The following CA2 variants were observed in gnomAD, a reference collection of about 807,000 sequenced individuals.
The protein encoded by CA2 is carbonate dehydratase II.
Under a neutral mutation model 27.8 loss-of-function variants are expected in CA2, and 23 were observed. The observed-to-expected ratio is 0.83, with a 90% CI of 0.59 to 1.17. The LOEUF is 1.17. CA2 is among the 50% of genes most tolerant of loss of function. The pLI, the probability that CA2 is intolerant of heterozygous loss-of-function variation, is 0.00. For missense variants in CA2, 300 were observed against 314.7 expected (o/e 0.95, Z 0.35); for synonymous variants, 99 against 114.9 (o/e 0.86, Z 0.88).
chr8:85,468,017 A>G (rs1246855617), intron 2 of CA2, among the ~76,000 whole-genome samples: 2 of 152,244 alleles, frequency 1.3e-5, no homozygotes, highest in African/African-American at 2.4e-5. Flanking sequence ...CCCGGAGCCC[A>G]TGCTGGAAAT....
rs776620660 is a variant in CA2 at position 85,464,071 on chromosome 8, C to G, written c.-11C>G. On this transcript the variant is annotated 5_prime_UTR_variant, in exon 1 of 7. Coordinates refer to ENST00000285379, the MANE Select transcript of CA2 (RefSeq NM_000067.3). ...GCCGATTCCTGCCCTGCCCCGACCG[C>G]CAGCGCGACCATGTCCCATCACTGG... 1.9e-6 allele frequency: 3 copies of G among 1,548,028 alleles called. No individual in the cohort carries two copies. The South Asian group carries it at 3.6e-5, about 18-fold the overall frequency.
chr8:85,466,144 A>C (rs1251947310), intron 2 of CA2, among the ~76,000 whole-genome samples: 7 of 144,640 alleles, frequency 4.8e-5, no homozygotes, highest in Admixed American at 4.8e-4. Flanking sequence ...AAAAAAAAAA[A>C]GAAAGAGAAA....
Position 85,479,334 on chromosome 8 carries a change from G to A in CA2, c.664-1336G>A, listed in dbSNP as rs140789438. Among the ~76,000 whole-genome samples, 32 of 152,298 alleles carry A rather than the reference G, an allele frequency of 2.1e-4. No homozygotes were observed. In the East Asian group the frequency reaches 5.4e-3, roughly 26 times the overall value. Reference sequence around the variant, plus strand: ...TTATGAACAGACTCTCTTTCAGATTGCTGGAATTCTGTTGTAACGAATCAA... The same window carrying A: ...TTATGAACAGACTCTCTTTCAGATTACTGGAATTCTGTTGTAACGAATCAA... On this transcript the variant is annotated intron_variant, in intron 6 of 6. Coordinates refer to ENST00000285379, the MANE Select transcript of CA2 (RefSeq NM_000067.3).
Position 85,474,315 on chromosome 8 carries a change from C to T in CA2, c.352-9C>T, listed in dbSNP as rs376610249. The T allele has an allele frequency of 3.2e-5, 52 of 1,608,468 alleles. No individual in the cohort carries two copies. Among genetic ancestry groups the T allele is most frequent in the South Asian group, 1.1e-4 (10 of 90,992 alleles). Reference sequence around the variant, plus strand: ...ATCACTCACTGTGGCTTTGTCTCTTCGGCCTTAGCTTCACTTGGTTCACTG... The same window carrying T: ...ATCACTCACTGTGGCTTTGTCTCTTTGGCCTTAGCTTCACTTGGTTCACTG... On this transcript the variant is annotated splice_polypyrimidine_tract_variant and intron_variant, in intron 3 of 6. Coordinates refer to ENST00000285379, the MANE Select transcript of CA2 (RefSeq NM_000067.3).
At chr8:85,465,058 C>A in intron 1 of CA2, 1 of 562,336 alleles carries the variant, frequency 1.8e-6, no homozygotes, top group East Asian at 3.0e-5. Context: ...CTAATTCTTA[C>A]AGCGACATCT....
chr8:85,479,904 G>A (rs112065080), intron 6 of CA2, among the ~76,000 whole-genome samples: 179 of 152,246 alleles, frequency 1.2e-3, no homozygotes, highest in African/African-American at 3.4e-3. Flanking sequence ...ATGCCAGCTC[G>A]TCACTCAGCC....
chr8:85,474,487 A>T (rs1178694848), intron 4 of CA2, 71 bp downstream of exon 4: 5 of 1,108,132 alleles, frequency 4.5e-6, no homozygotes, highest in Non-Finnish European at 7.0e-6. Context: ...TATTTGTAAC[A>T]TACAGGACAT....
intron 5 of CA2, among the ~76,000 whole-genome samples, chr8:85,476,668 C>T (rs1811803885): frequency 6.6e-6 from 1 of 152,106 alleles, no homozygotes; most frequent in Non-Finnish European, 1.5e-5. Context: ...TTCCTGTTTG[C>T]TTGAAAAGTG....
intron 6 of CA2, among the ~76,000 whole-genome samples, chr8:85,478,748 A>T (rs540102973): frequency 3.3e-5 from 5 of 152,300 alleles, no homozygotes; most frequent in Admixed American, 1.3e-4. Context: ...TGGAATCTGG[A>T]GGAAGGATCA....
chr8:85,468,850 T>TAA (rs1335378201), intron 2 of CA2, among the ~76,000 whole-genome samples: 107 of 148,232 alleles, frequency 7.2e-4, no homozygotes, highest in Non-Finnish European at 1.2e-3. Context: ...TTTTTTTTTT[T>TAA]AAATAAAACA....
intron 2 of CA2, among the ~76,000 whole-genome samples, chr8:85,469,169 C>T (rs139995778): frequency 3.9e-5 from 6 of 152,060 alleles, no homozygotes; most frequent in Admixed American, 1.3e-4. Flanking sequence ...AGTTTAACAT[C>T]TCTTTTTATT....
At chr8:85,480,511 A>T (rs7009157) in intron 6 of CA2, among the ~76,000 whole-genome samples, 159 bp from the exon 7 acceptor site, 1 of 151,676 alleles carries the variant, frequency 6.6e-6, no homozygotes, top group African/African-American at 2.4e-5. Context: ...GCTGACCTCA[A>T]GTGATCCACC....
At chr8:85,464,224 T>C in intron 1 of CA2, 109 bp downstream of exon 1, 2 of 1,053,020 alleles carry the variant, frequency 1.9e-6, no homozygotes, top group South Asian at 3.2e-5. Context: ...CACATGCTGT[T>C]TACCGCGGCC....
At chr8:85,464,173 ATCC>A in intron 1 of CA2, 58 bp downstream of exon 1, 1 of 1,472,558 alleles carries the variant, frequency 6.8e-7, no homozygotes. Context: ...CCGATCCCCG[ATCC>A]CCGAGCCCGG....
rs541577500 is a variant in CA2, at chr8:85,464,213, G to A, written c.34+98G>A. 1.9e-3 allele frequency: 2,221 copies of A among 1,161,304 alleles called. 7 individuals carry two copies. Among genetic ancestry groups the A allele is most frequent in the Non-Finnish European group, 2.4e-3 (1,979 of 837,284 alleles). 71.9% of individuals were successfully genotyped at this position (1,161,304 alleles called of 1,614,324 possible). A position where few individuals can be genotyped will look rare whatever the true frequency, so the allele number is the denominator to read the frequency against. ...TGCCGGCCCGGGGCCCGCAGCGCCCGCACATGCTGTTTACCGCGGCCGCGG... is the reference window on the plus strand; with the variant it reads ...TGCCGGCCCGGGGCCCGCAGCGCCCACACATGCTGTTTACCGCGGCCGCGG... On this transcript the variant is annotated intron_variant, in intron 1 of 6. Coordinates refer to ENST00000285379, the MANE Select transcript of CA2 (RefSeq NM_000067.3).
At chr8:85,474,135 A>G (rs997828627) in intron 3 of CA2, among the ~76,000 whole-genome samples, 189 bp from the exon 4 acceptor site, 1 of 152,252 alleles carries the variant, frequency 6.6e-6, no homozygotes, top group African/African-American at 2.4e-5. Flanking sequence ...TTATTGATGA[A>G]AACACTTGCT....
At chr8:85,472,070 C>A (rs1469894102) in intron 2 of CA2, among the ~76,000 whole-genome samples, 1 of 152,124 alleles carries the variant, frequency 6.6e-6, no homozygotes, top group Non-Finnish European at 1.5e-5. Context: ...CAGAAAGACC[C>A]CACTGCTTAA....
intron 2 of CA2, among the ~76,000 whole-genome samples, chr8:85,470,995 A>G (rs1210652946): frequency 6.6e-6 from 1 of 152,178 alleles, no homozygotes; most frequent in East Asian, 1.9e-4. Context: ...TTTTTACATT[A>G]GAAAATAGAT....
intron 6 of CA2, among the ~76,000 whole-genome samples, chr8:85,478,018 T>C (rs900568771): frequency 6.6e-6 from 1 of 152,210 alleles, no homozygotes; most frequent in Non-Finnish European, 1.5e-5. Context: ...ATGTGAGTAG[T>C]GGTAGTGTGA....
Sources: gnomAD v4.1 joint callset for allele counts (sites outside exome capture counted in the v4.1 genomes callset) on GRCh38, gnomAD v4.1.1 for gene constraint, MANE v1.5 for transcripts, NCBI Gene and HGNC (gene_info 2026-07-23, HGNC 2026-07-21) for gene names.